MN1: variants seen among roughly 807,000 people sequenced by gnomAD.
The protein encoded by MN1 is transcriptional activator MN1.
In MN1, 19 loss-of-function variants were observed where a neutral mutation model predicts 86.9. That is an observed-to-expected ratio of 0.22 (90% CI 0.15 to 0.32). MN1 has a LOEUF of 0.32. MN1 is among the 10% of genes least tolerant of loss of function. The probability of loss-of-function intolerance (pLI) is 1.00; values close to 1 mark genes in which losing one functional copy is unlikely to be tolerated. For synonymous variants in MN1, 928 were observed against 849.6 expected, an observed-to-expected ratio of 1.09 and a Z score of -1.60; for missense variants, 1,841 against 1,862.0, an observed-to-expected ratio of 0.99 and a Z score of 0.21.
In MN1 at chr22:27,797,117, C is replaced by CGCT. The variant is rs1568983492; in HGVS notation, c.3424_3426dup (p.Ser1142dup). 1.9e-6 allele frequency: 3 copies of CGCT among 1,589,324 alleles called. No homozygotes were observed. The South Asian group carries it at 3.4e-5, about 18-fold the overall frequency. On this transcript the variant is annotated inframe_insertion, in exon 1 of 2. Transcript: ENST00000302326. ...TGGATCTCGTCGGGTGGCGGGGCGC[C>CGCT]GCTGCTGCTCGTCGGGGTGCGGACC...
At chr22:27,765,498 G>A (rs1292123905) in intron 1 of MN1, among the ~76,000 whole-genome samples, 2 of 152,250 alleles carry the variant, frequency 1.3e-5, no homozygotes, top group Non-Finnish European at 2.9e-5. Flanking sequence ...ACGTCAGGCA[G>A]GAGGGAGACT....
chr22:27,799,287 C>G lies in MN1; in HGVS notation c.1257G>C (p.Met419Ile). 1.9e-6 allele frequency: 3 copies of G among 1,586,832 alleles called. No individual in the cohort carries two copies. Among genetic ancestry groups the G allele is most frequent in the Middle Eastern group, 3.3e-4 (2 of 5,976 alleles). The change falls in exon 1 of 2, where the codon ATG becomes ATC. Residue 419 changes from methionine (M) to isoleucine (I), a missense_variant. Met to Ile is a conservative substitution (Grantham distance 10). Transcript: ENST00000302326. ...TGAAAACAGGCTCGGAATAAGGGTG[C>G]ATGCTCCGGTTCTCCAGCCGGTGGA... ...YPIHRLENRS[M>I]HPYSEPVFSM... is the part of the protein sequence containing the mutation.
chr22:27,757,581 TG>T (rs1165180417), intron 1 of MN1, among the ~76,000 whole-genome samples: 2 of 152,228 alleles, frequency 1.3e-5, no homozygotes, highest in East Asian at 3.8e-4. Flanking sequence ...TCACCCTCGC[TG>T]GATTCCGACA....
intron 1 of MN1, among the ~76,000 whole-genome samples, chr22:27,765,072 C>T (rs979667888): frequency 6.6e-6 from 1 of 152,214 alleles, no homozygotes; most frequent in Admixed American, 6.5e-5. Flanking sequence ...CAAGGTAACA[C>T]ATAAAATTAA....
intron 1 of MN1, among the ~76,000 whole-genome samples, chr22:27,780,369 C>A (rs1379988299): frequency 1.3e-5 from 2 of 152,168 alleles, no homozygotes; most frequent in Non-Finnish European, 2.9e-5. Context: ...TTAGGACCTG[C>A]CCTCACTGTC....
At chr22:27,789,054 T>C (rs1933177621) in intron 1 of MN1, among the ~76,000 whole-genome samples, 1 of 152,124 alleles carries the variant, frequency 6.6e-6, no homozygotes, top group South Asian at 2.1e-4. Context: ...TTCTCATGAG[T>C]CAGGCTGCTC....
At chr22:27,788,276 C>A (rs180885250) in intron 1 of MN1, among the ~76,000 whole-genome samples, 1 of 152,238 alleles carries the variant, frequency 6.6e-6, no homozygotes, top group East Asian at 1.9e-4. Context: ...TCTCTCTCTG[C>A]CTTCTGATTT....
rs1477438863 is a variant in MN1, at chr22:27,800,189, C to T, written c.355G>A (p.Gly119Ser). ...CACGAGGCCCCGGGGTCCGGGCCACCGAAGTTGCCCCCAAAGTGGGGGTGA... is the reference window on the plus strand; with the variant it reads ...CACGAGGCCCCGGGGTCCGGGCCACTGAAGTTGCCCCCAAAGTGGGGGTGA... ...QHHPHFGGNF[G>S]GPDPGASCLH... The change falls in exon 1 of 2, where the codon GGT (glycine) becomes AGT (serine). Residue 119 changes from glycine (G) to serine (S), a missense_variant. Gly to Ser is a moderately conservative substitution (Grantham distance 56). Coordinates refer to ENST00000302326, the MANE Select transcript of MN1 (RefSeq NM_002430.3). 2 of 1,551,736 alleles carry T rather than the reference C, an allele frequency of 1.3e-6. No homozygotes were observed. The highest frequency in any genetic ancestry group is 1.7e-6 in the Non-Finnish European group (2 of 1,152,168).
rs1329933243 is a variant in MN1 at position 27,797,376 on chromosome 22, C to T, written c.3168G>A (p.Glu1056=). 2 of 1,611,252 alleles carry T rather than the reference C, an allele frequency of 1.2e-6. No individual in the cohort carries two copies. Among genetic ancestry groups the T allele is most frequent in the Admixed American group, 1.7e-5 (1 of 60,016 alleles). The change falls in exon 1 of 2, where the codon GAG becomes GAA. Residue 1056 remains glutamate (E), a synonymous_variant. Coordinates refer to ENST00000302326, the MANE Select transcript of MN1 (RefSeq NM_002430.3). ...SDEVSTSYAN[E]DEVSSSSDNP... is the part of the protein sequence containing the mutation. ...TGTCAGAGCTGGACGACACCTCGTC[C>T]TCATTGGCGTAGCTCGTGCTCACCT...
chr22:27,750,392 T>C lies in MN1; in HGVS notation c.*523A>G, dbSNP rs1194944852. On this transcript the variant is annotated 3_prime_UTR_variant, in exon 2 of 2. Transcript: ENST00000302326. The stretch of plus-strand genomic sequence containing the variant: ...TGACAATTGGACTTTCACCCGGCAA[T>C]ATTCCAGAACTACTATTCTCCAGGA... 1 of 229,540 alleles carries C rather than the reference T, an allele frequency of 4.4e-6. No individual in the cohort carries two copies. The highest frequency in any genetic ancestry group is 8.6e-6 in the Non-Finnish European group (1 of 115,818). The allele number at this position is 229,540 out of a possible 1,614,324, so 14.2% of individuals were successfully genotyped here. A position where few individuals can be genotyped will look rare whatever the true frequency, so the allele number is the denominator to read the frequency against.
At chr22:27,752,002 G>A (rs1215962706) in intron 1 of MN1, among the ~76,000 whole-genome samples, 1 of 152,124 alleles carries the variant, frequency 6.6e-6, no homozygotes, top group Non-Finnish European at 1.5e-5. Flanking sequence ...GGAGCCCTTC[G>A]GGACACCTGC....
rs1932721982 is a variant in MN1 at position 27,748,666 on chromosome 22, A to G, written c.*2249T>C. 9.3e-6 allele frequency: 2 copies of G among 214,020 alleles called. No homozygotes were observed. The highest frequency in any genetic ancestry group is 1.4e-4 in the East Asian group (2 of 14,224). 13.3% of individuals were successfully genotyped at this position (214,020 alleles called of 1,614,324 possible). On this transcript the variant is annotated 3_prime_UTR_variant, in exon 2 of 2. Transcript: ENST00000302326. ...ATTAAACCAAATTTAATGAAATAAC[A>G]TCCTTTTGCTTAAGGCTATTTTTAA...
intron 1 of MN1, among the ~76,000 whole-genome samples, chr22:27,767,046 A>T (rs1237386715): frequency 6.6e-6 from 1 of 152,242 alleles, no homozygotes; most frequent in South Asian, 2.1e-4. Flanking sequence ...TAATTGTGCT[A>T]AACTTTTCCT....
chr22:27,800,286 C>G lies in MN1; in HGVS notation c.258G>C (p.Gln86His), dbSNP rs781427301. ...SELHAGGLQA[Q>H]PVHGFFGGQQ... ...GGCCGCCAAAGAAGCCGTGCACAGG[C>G]TGCGCTTGCAGCCCCCCTGCGTGCA... Residue 86 changes from glutamine (Q) to histidine (H), a missense_variant, in exon 1 of 2, where the codon CAG (glutamine) becomes CAC (histidine). Gln to His is a conservative substitution (Grantham distance 24). Transcript: ENST00000302326. 5.1e-6 allele frequency: 8 copies of G among 1,578,128 alleles called. No individual in the cohort carries two copies. The highest frequency in any genetic ancestry group is 6.9e-6 in the Non-Finnish European group (8 of 1,162,414).
chr22:27,752,905 G>A (rs1390618462), intron 1 of MN1, among the ~76,000 whole-genome samples: 2 of 152,190 alleles, frequency 1.3e-5, no homozygotes, highest in Non-Finnish European at 1.5e-5. Flanking sequence ...CCAGCCAAGG[G>A]CCCTGTGCCA....
chr22:27,784,377 A>G (rs1024453564), intron 1 of MN1, among the ~76,000 whole-genome samples: 2 of 152,180 alleles, frequency 1.3e-5, no homozygotes, highest in African/African-American at 4.8e-5. Context: ...TTCAGCCTCA[A>G]TGTGGATGGA....
At chr22:27,784,821 T>C (rs1232127031) in intron 1 of MN1, among the ~76,000 whole-genome samples, 1 of 151,972 alleles carries the variant, frequency 6.6e-6, no homozygotes, top group African/African-American at 2.4e-5. Context: ...AACAGGGACC[T>C]TAGCGAACAG....
At position 27,800,694 on chromosome 22, in the gene MN1, G is replaced by C. The variant is rs1476090418; in HGVS notation, c.-151C>G. ...AGCGCGCACCTCCACCCCGCCTGAT[G>C]TGAGGGACGGGGGGCGGGGTATTAG... On this transcript the variant is annotated 5_prime_UTR_variant, in exon 1 of 2. Transcript: ENST00000302326. 17 of 917,696 alleles carry C rather than the reference G, an allele frequency of 1.9e-5. No homozygotes were observed. Among genetic ancestry groups the C allele is most frequent in the Non-Finnish European group, 2.8e-5 (17 of 611,896 alleles). The allele number at this position is 917,696 out of a possible 1,614,324, so 56.8% of individuals were successfully genotyped here. A position where few individuals can be genotyped will look rare whatever the true frequency, so the allele number is the denominator to read the frequency against.
chr22:27,766,890 G>A (rs1932874135), intron 1 of MN1, among the ~76,000 whole-genome samples: 1 of 152,096 alleles, frequency 6.6e-6, no homozygotes, highest in Admixed American at 6.5e-5. Context: ...CACTATTCCT[G>A]TCATTTTTCC....
Sources: allele counts gnomAD v4.1 joint callset (sites outside exome capture counted in the v4.1 genomes callset), GRCh38; gene constraint gnomAD v4.1.1; transcripts MANE v1.5; gene names NCBI Gene and HGNC (gene_info 2026-07-23, HGNC 2026-07-21).